The following SV2C variants were observed in gnomAD, a reference collection of about 807,000 sequenced individuals.
The protein encoded by SV2C is solute carrier family 22 member B3.
A neutral mutation model predicts 79.7 loss-of-function variants in SV2C; 49 were observed. The observed-to-expected ratio is 0.61, with a 90% CI of 0.49 to 0.78. SV2C has a LOEUF of 0.78. Ranked by LOEUF, SV2C falls within the 30% of genes least tolerant of loss-of-function variation. The probability of loss-of-function intolerance (pLI) is 0.00; values close to 1 mark genes in which losing one functional copy is unlikely to be tolerated. For synonymous variants in SV2C, 334 were observed against 333.2 expected, an observed-to-expected ratio of 1.00 and a Z score of -0.03; for missense variants, 833 against 912.9, an observed-to-expected ratio of 0.91 and a Z score of 1.13.
intron 2 of SV2C, among the ~76,000 whole-genome samples, chr5:76,157,856 G>C (rs1742779960): frequency 6.6e-6 from 1 of 151,520 alleles, no homozygotes; most frequent in African/African-American, 2.4e-5. Flanking sequence ...GTACTATTGG[G>C]CTTATAACAT....
intron 4 of SV2C, among the ~76,000 whole-genome samples, chr5:76,253,796 G>A (rs533366481): frequency 2.6e-5 from 4 of 150,964 alleles, no homozygotes; most frequent in South Asian, 2.1e-4. Context: ...TAATATCACC[G>A]AGTCAAAATC....
the SV2C span, among the ~76,000 whole-genome samples, chr5:76,038,196 A>G: frequency 3.9e-5 from 6 of 152,168 alleles, no homozygotes; most frequent in Non-Finnish European, 5.9e-5. Flanking sequence ...CAGAAATCCC[A>G]TATCTTCTTA....
At chr5:76,097,934 T>A (rs575837939) in intron 1 of SV2C, among the ~76,000 whole-genome samples, 30 of 152,294 alleles carry the variant, frequency 2.0e-4, no homozygotes, top group African/African-American at 7.0e-4. Flanking sequence ...GGAGAAAATG[T>A]GCAAGCGTTT....
the SV2C span, among the ~76,000 whole-genome samples, chr5:76,025,932 G>A: frequency 6.6e-6 from 1 of 152,144 alleles, no homozygotes; most frequent in Non-Finnish European, 1.5e-5. Context: ...AAGTTTGTCT[G>A]GATGACTAAG....
chr5:76,042,778 C>T, the SV2C span, among the ~76,000 whole-genome samples: 1 of 152,214 alleles, frequency 6.6e-6, no homozygotes, highest in South Asian at 2.1e-4. Flanking sequence ...AGCCCTACCT[C>T]AGTACTCACA....
intron 3 of SV2C, among the ~76,000 whole-genome samples, chr5:76,197,063 ACTC>A (rs1203085231): frequency 2.0e-5 from 3 of 152,090 alleles, no homozygotes; most frequent in Non-Finnish European, 4.4e-5. Context: ...GGTGTGCCCT[ACTC>A]CTGCCCATTA....
intron 1 of SV2C, among the ~76,000 whole-genome samples, chr5:76,093,071 GTATAT>G (rs2112101386): frequency 6.6e-6 from 1 of 152,200 alleles, no homozygotes; most frequent in Admixed American, 6.5e-5. Flanking sequence ...TTTTATTAAG[GTATAT>G]TATATAGAAA....
chr5:75,994,950 C>T, the SV2C span, among the ~76,000 whole-genome samples: 1 of 152,162 alleles, frequency 6.6e-6, no homozygotes, highest in East Asian at 1.9e-4. Flanking sequence ...TGTAGCTGAC[C>T]TGATAACTAG....
At chr5:75,973,653 A>G in the SV2C span, among the ~76,000 whole-genome samples, 1 of 152,094 alleles carries the variant, frequency 6.6e-6, no homozygotes, top group South Asian at 2.1e-4. Flanking sequence ...GATTAGGTTT[A>G]TATTTAGCCA....
chr5:76,213,755 G>A (rs1463827183), intron 4 of SV2C, among the ~76,000 whole-genome samples: 1 of 152,146 alleles, frequency 6.6e-6, no homozygotes, highest in African/African-American at 2.4e-5. Context: ...CTCTCAGCAA[G>A]TTTCAAGTAT....
At chr5:76,183,217 G>T (rs967296303) in intron 2 of SV2C, among the ~76,000 whole-genome samples, 3 of 151,530 alleles carry the variant, frequency 2.0e-5, no homozygotes, top group Non-Finnish European at 4.4e-5. Flanking sequence ...TAGAGACAGG[G>T]TTTCACCATG....
the SV2C span, among the ~76,000 whole-genome samples, chr5:75,955,284 A>G: frequency 3.3e-5 from 5 of 149,496 alleles, no homozygotes; most frequent in African/African-American, 1.2e-4. Context: ...GAGAAAAACA[A>G]GCAATGGGGA....
the SV2C span, among the ~76,000 whole-genome samples, chr5:76,060,827 C>CAT: frequency 1.3e-5 from 2 of 152,170 alleles, no homozygotes; most frequent in South Asian, 4.1e-4. Flanking sequence ...TTTCAACATG[C>CAT]CTTCCTCACG....
At chr5:76,308,705 G>A (rs1274296557) in intron 12 of SV2C, among the ~76,000 whole-genome samples, 1 of 152,154 alleles carries the variant, frequency 6.6e-6, no homozygotes, top group East Asian at 1.9e-4. Context: ...GGCAAACGCA[G>A]GGAACTCCCC....
At chr5:76,346,818 C>T (rs895449086) in intron 12 of SV2C, among the ~76,000 whole-genome samples, 2 of 152,178 alleles carry the variant, frequency 1.3e-5, no homozygotes, top group East Asian at 1.9e-4. Context: ...CCCCTGCCTC[C>T]CACTGGCGCC....
chr5:76,190,201 C>A (rs923686306), intron 2 of SV2C, among the ~76,000 whole-genome samples: 8 of 152,134 alleles, frequency 5.3e-5, no homozygotes, highest in Admixed American at 1.3e-4. Flanking sequence ...CTTGTTAAAG[C>A]ATAGTCAGGA....
intron 6 of SV2C, among the ~76,000 whole-genome samples, chr5:76,287,158 A>C (rs1173867807): frequency 6.6e-6 from 1 of 152,230 alleles, no homozygotes; most frequent in Non-Finnish European, 1.5e-5. Flanking sequence ...GTTTATTCAT[A>C]GGCCTTATTA....
At chr5:76,322,327 A>G (rs992348267) in intron 12 of SV2C, among the ~76,000 whole-genome samples, 4 of 152,238 alleles carry the variant, frequency 2.6e-5, no homozygotes, top group Non-Finnish European at 4.4e-5. Context: ...TACAATTTAC[A>G]AGGGCTGTGA....
chr5:76,081,011 A>G (rs2112074007), upstream of SV2C, among the ~76,000 whole-genome samples: 1 of 152,358 alleles, frequency 6.6e-6, no homozygotes, highest in South Asian at 2.1e-4. Flanking sequence ...CTCCAAAGAC[A>G]CAACGTTAAA....
Sources: gnomAD v4.1 joint callset for allele counts (sites outside exome capture counted in the v4.1 genomes callset) on GRCh38, gnomAD v4.1.1 for gene constraint, MANE v1.5 for transcripts, NCBI Gene and HGNC (gene_info 2026-07-23, HGNC 2026-07-21) for gene names.